The following TRAPPC9 variants were observed in gnomAD, a reference collection of about 807,000 sequenced individuals.
TRAPPC9 encodes the protein trafficking protein particle complex subunit 9, also known as IKK2 binding protein.
Under a neutral mutation model 124.0 loss-of-function variants are expected in TRAPPC9, and 83 were observed. The observed-to-expected ratio is 0.67, with a 90% CI of 0.56 to 0.80. The LOEUF is 0.80. Among genes scored for constraint, TRAPPC9 ranks in the 30% least tolerant of loss-of-function variants. The probability of loss-of-function intolerance (pLI) is 0.00; values close to 1 mark genes in which losing one functional copy is unlikely to be tolerated. For synonymous variants in TRAPPC9, 638 were observed against 617.5 expected, an observed-to-expected ratio of 1.03 and a Z score of -0.49; for missense variants, 1,302 against 1,508.3, an observed-to-expected ratio of 0.86 and a Z score of 2.27.
intron 19 of TRAPPC9, among the ~76,000 whole-genome samples, chr8:139,987,090 T>G (rs778801443): frequency 6.6e-6 from 1 of 152,230 alleles, no homozygotes; most frequent in Non-Finnish European, 1.5e-5. Flanking sequence ...GTTCTGTGTA[T>G]GAGTAATTCA....
intron 21 of TRAPPC9, among the ~76,000 whole-genome samples, chr8:139,832,239 C>T (rs1011153771): frequency 6.6e-6 from 1 of 152,224 alleles, no homozygotes; most frequent in African/African-American, 2.4e-5. Flanking sequence ...AGCAAAACGG[C>T]CTCTTTCTTC....
intron 5 of TRAPPC9, among the ~76,000 whole-genome samples, chr8:140,414,507 C>G (rs548532666): frequency 6.6e-6 from 1 of 152,238 alleles, no homozygotes; most frequent in South Asian, 2.1e-4. Flanking sequence ...GCACTCCAGC[C>G]TGGGTGACAG....
intron 9 of TRAPPC9, among the ~76,000 whole-genome samples, chr8:140,335,582 T>A (rs538849794): frequency 1.3e-5 from 2 of 152,048 alleles, no homozygotes; most frequent in African/African-American, 2.4e-5. Context: ...CCAGCCTTCA[T>A]TGGGAAACTG....
chr8:140,117,066 GC>G (rs898679774), intron 17 of TRAPPC9, among the ~76,000 whole-genome samples: 3 of 152,072 alleles, frequency 2.0e-5, no homozygotes, highest in African/African-American at 7.2e-5. Flanking sequence ...TTCTAACACC[GC>G]CCCATTCTGA....
At chr8:140,369,256 C>G (rs924573039) in intron 8 of TRAPPC9, among the ~76,000 whole-genome samples, 1 of 152,158 alleles carries the variant, frequency 6.6e-6, no homozygotes, top group Non-Finnish European at 1.5e-5. Context: ...GTGACTGTCA[C>G]AGCAACCACA....
At chr8:140,064,830 C>T (rs1318151891) in intron 17 of TRAPPC9, among the ~76,000 whole-genome samples, 3 of 152,132 alleles carry the variant, frequency 2.0e-5, no homozygotes, top group Non-Finnish European at 4.4e-5. Flanking sequence ...CCTGGATGTG[C>T]TGCTAGTATA....
chr8:140,137,370 T>TCTCATCATAGAGATGACTGTCCAAGATCA lies in TRAPPC9; in HGVS notation c.2556+84060_2556+84088dup, dbSNP rs554752430. Among the ~76,000 whole-genome samples the TCTCATCATAGAGATGACTGTCCAAGATCA allele has an allele frequency of 3.8e-3, 583 of 152,190 alleles. 4 individuals carry two copies. The highest frequency in any genetic ancestry group is 0.014 in the African/African-American group (560 of 41,472). On this transcript the variant is annotated intron_variant, in intron 17 of 22. Transcript: ENST00000438773. ...GTCTGCGTAATTAGTAAGTGCTGGA[T>TCTCATCATAGAGATGACTGTCCAAGATCA]CTCATCATAGAGATGACTGTCCAAG...
intron 21 of TRAPPC9, among the ~76,000 whole-genome samples, chr8:139,737,689 C>A (rs1217790233): frequency 6.6e-6 from 1 of 152,210 alleles, no homozygotes; most frequent in Non-Finnish European, 1.5e-5. Flanking sequence ...GTTAGCAGCA[C>A]AGGCCCAGGC....
intron 17 of TRAPPC9, among the ~76,000 whole-genome samples, chr8:140,196,888 C>T (rs904171952): frequency 2.3e-4 from 35 of 152,240 alleles, no homozygotes; most frequent in Admixed American, 2.2e-3. Flanking sequence ...GATACTAAAA[C>T]ACTCAACGAT....
chr8:140,372,891 C>A (rs1236288212), intron 7 of TRAPPC9, among the ~76,000 whole-genome samples: 1 of 152,184 alleles, frequency 6.6e-6, no homozygotes, highest in Non-Finnish European at 1.5e-5. Context: ...GTGACAGCAG[C>A]CTCACCGGAC....
In TRAPPC9 at chr8:140,275,778, T is replaced by C. The variant is rs1162426552; in HGVS notation, c.2158A>G (p.Thr720Ala). The C allele has an allele frequency of 6.2e-7, 1 of 1,613,402 alleles. No homozygotes were observed. The highest frequency in any genetic ancestry group is 1.7e-5 in the Admixed American group (1 of 60,028). The change falls in exon 15 of 23, where the codon ACT (threonine) becomes GCT (alanine). Residue 720 changes from threonine to alanine, a missense_variant. By Grantham distance (58) the Thr-to-Ala change is moderately conservative. This residue lies in a region of TRAPPC9 where 640 missense variants were observed against 679.3 expected (regional missense o/e 0.94). Coordinates refer to ENST00000438773, the MANE Select transcript of TRAPPC9 (RefSeq NM_001160372.4). ...TTGTAAAGCTGGACAGATACATTAG[T>C]AGATATTTCATCACCAGAAGAAGGT... is the stretch of plus-strand genomic sequence containing the variant. The part of the protein sequence containing the change: ...LQPSSGDEIS[T>A]NVSVQLYNGE...
At chr8:139,780,526 C>T (rs1285784221) in intron 21 of TRAPPC9, among the ~76,000 whole-genome samples, 1 of 152,060 alleles carries the variant, frequency 6.6e-6, no homozygotes, top group African/African-American at 2.4e-5. Flanking sequence ...AAAGAATTAG[C>T]TCAAAATGGA....
At chr8:139,883,811 G>A (rs1311344296) in intron 21 of TRAPPC9, among the ~76,000 whole-genome samples, 2 of 152,206 alleles carry the variant, frequency 1.3e-5, no homozygotes, top group Non-Finnish European at 2.9e-5. Context: ...CTGTAACGCA[G>A]TGCTCCCGGC....
intron 9 of TRAPPC9, among the ~76,000 whole-genome samples, chr8:140,327,888 C>T (rs188901392): frequency 6.4e-4 from 98 of 152,254 alleles, no homozygotes; most frequent in Admixed American, 2.5e-3. Flanking sequence ...CTGAATTTTA[C>T]GCTTAAAACA....
rs570840449 is a variant in TRAPPC9, at chr8:140,309,091, A to G, written c.1622+2157T>C. On this transcript the variant is annotated intron_variant, in intron 10 of 22. Coordinates refer to ENST00000438773, the MANE Select transcript of TRAPPC9 (RefSeq NM_001160372.4). ...ACTTGCCCAAACGGTAGACTGTTAC[A>G]CTTTCACCCAATCTGCCTTTTCTAA... Among the ~76,000 whole-genome samples, 3 of 152,318 alleles carry G rather than the reference A, an allele frequency of 2.0e-5. No individual in the cohort carries two copies. In the East Asian group the frequency reaches 5.8e-4, roughly 29 times the overall value.
rs550029045 is a variant in TRAPPC9, at chr8:140,158,734, C to T, written c.2556+62725G>A. 1.2e-4 allele frequency among the ~76,000 whole-genome samples: 18 copies of T among 152,344 alleles called. No individual in the cohort carries two copies. The South Asian group carries it at 3.3e-3, about 28-fold the overall frequency. On this transcript the variant is annotated intron_variant, in intron 17 of 22. Coordinates refer to ENST00000438773, the MANE Select transcript of TRAPPC9 (RefSeq NM_001160372.4). ...GCAGCATCTGTGCTCCGGAGCCACC[C>T]AGACTCCCCTGCTGTGGACAGTGGG...
At chr8:140,100,318 A>G (rs1280237415) in intron 17 of TRAPPC9, 2 of 147,418 alleles carry the variant, frequency 1.4e-5, no homozygotes, top group South Asian at 4.4e-4. Context: ...GATGCCCACC[A>G]AGGTCCTCCG....
intron 9 of TRAPPC9, among the ~76,000 whole-genome samples, chr8:140,330,639 T>C (rs781639024): frequency 6.6e-6 from 1 of 152,196 alleles, no homozygotes; most frequent in Non-Finnish European, 1.5e-5. Context: ...TATAAAAACA[T>C]CTATTTCAAG....
At chr8:140,246,596 T>C (rs1280216274) in intron 16 of TRAPPC9, among the ~76,000 whole-genome samples, 1 of 152,206 alleles carries the variant, frequency 6.6e-6, no homozygotes, top group Non-Finnish European at 1.5e-5. Context: ...TATCACAGAA[T>C]TAATCATTTA....
Sources: gnomAD v4.1 joint callset for allele counts (sites outside exome capture counted in the v4.1 genomes callset) on GRCh38, gnomAD v4.1.1 for gene constraint, gnomAD v4.1.1 regional missense constraint, MANE v1.5 for transcripts, NCBI Gene and HGNC (gene_info 2026-07-23, HGNC 2026-07-21) for gene names.